KCNIP4: variants seen among roughly 807,000 people sequenced by gnomAD.
KCNIP4 encodes Kv channel-interacting protein 4.
A neutral mutation model predicts 34.0 loss-of-function variants in KCNIP4; 12 were observed. The ratio of observed to expected loss-of-function variants is 0.35; its 90% confidence interval spans 0.23 to 0.57. KCNIP4 has a LOEUF of 0.57. Ranked by LOEUF, KCNIP4 falls within the 20% of genes least tolerant of loss-of-function variation. KCNIP4 has a pLI of 0.83. For synonymous variants in KCNIP4, 124 were observed against 102.2 expected, an observed-to-expected ratio of 1.21 and a Z score of -1.29; for missense variants, 238 against 311.7, an observed-to-expected ratio of 0.76 and a Z score of 1.78.
intron 1 of KCNIP4, among the ~76,000 whole-genome samples, chr4:21,584,847 A>C (rs985634694): frequency 2.6e-5 from 4 of 152,126 alleles, no homozygotes; most frequent in African/African-American, 9.6e-5. Flanking sequence ...AAGGAAGATG[A>C]AGTAACTTCT....
intron 1 of KCNIP4, among the ~76,000 whole-genome samples, chr4:21,892,507 T>C (rs1727154975): frequency 6.9e-6 from 1 of 144,022 alleles, no homozygotes; most frequent in Non-Finnish European, 1.5e-5. Context: ...ATTTTCTGTA[T>C]GTATATTATG....
Position 20,757,458 on chromosome 4 carries a change from C to G in KCNIP4, c.358+1363G>C, listed in dbSNP as rs191247913. Among the ~76,000 whole-genome samples, 4 of 152,268 alleles carry G rather than the reference C, an allele frequency of 2.6e-5. No homozygotes were observed. The East Asian group carries it at 7.8e-4, about 30-fold the overall frequency. ...ACTTATCAGTGGCTTTGCATCACCT[C>G]AAGGATAAAGTCCCATTTCTTCATA... is the stretch of plus-strand genomic sequence containing the variant. On this transcript the variant is annotated intron_variant, in intron 4 of 8. Transcript: ENST00000382152.
At chr4:21,419,834 A>C (rs1046756955) in intron 1 of KCNIP4, among the ~76,000 whole-genome samples, 2 of 152,182 alleles carry the variant, frequency 1.3e-5, no homozygotes, top group Non-Finnish European at 2.9e-5. Flanking sequence ...AATCCTCCAA[A>C]TGAATCCCAG....
intron 1 of KCNIP4, among the ~76,000 whole-genome samples, chr4:21,640,323 T>C (rs1436633237): frequency 1.3e-5 from 2 of 152,174 alleles, no homozygotes; most frequent in Non-Finnish European, 2.9e-5. Flanking sequence ...GTGGTAGCAG[T>C]TCCCACTGTA....
chr4:21,078,116 T>G (rs530108311), intron 1 of KCNIP4, among the ~76,000 whole-genome samples: 1 of 152,152 alleles, frequency 6.6e-6, no homozygotes, highest in South Asian at 2.1e-4. Context: ...CTGAAAGGAA[T>G]TTGAGTAAAA....
At chr4:21,648,165 G>A (rs189280324) in intron 1 of KCNIP4, among the ~76,000 whole-genome samples, 45 of 151,968 alleles carry the variant, frequency 3.0e-4, no homozygotes, top group South Asian at 6.2e-4. Flanking sequence ...GAGCCACCGC[G>A]CCTGGCCTAC....
intron 1 of KCNIP4, among the ~76,000 whole-genome samples, chr4:21,549,408 T>A (rs1311822499): frequency 6.6e-6 from 1 of 151,914 alleles, no homozygotes; most frequent in Non-Finnish European, 1.5e-5. Flanking sequence ...CCCATAGTAA[T>A]GAGTGAATTC....
At chr4:21,324,602 CTCTA>C (rs1038154192) in intron 1 of KCNIP4, among the ~76,000 whole-genome samples, 19 of 150,918 alleles carry the variant, frequency 1.3e-4, no homozygotes, top group African/African-American at 4.4e-4. Flanking sequence ...TGTTCCATTG[CTCTA>C]TCTGTCTGTT....
chr4:21,609,159 G>C (rs1743959117), intron 1 of KCNIP4, among the ~76,000 whole-genome samples: 1 of 152,132 alleles, frequency 6.6e-6, no homozygotes, highest in African/African-American at 2.4e-5. Flanking sequence ...GAACAGGAAT[G>C]GATAGGAGAA....
chr4:20,883,237 G>T (rs993574371), intron 1 of KCNIP4, among the ~76,000 whole-genome samples: 1 of 152,088 alleles, frequency 6.6e-6, no homozygotes, highest in Non-Finnish European at 1.5e-5. Flanking sequence ...GAAAATAAAT[G>T]TCCTTAATAT....
At chr4:21,741,051 A>G (rs1222758228) in intron 1 of KCNIP4, among the ~76,000 whole-genome samples, 1 of 152,158 alleles carries the variant, frequency 6.6e-6, no homozygotes, top group African/African-American at 2.4e-5. Flanking sequence ...AAATAAGCCC[A>G]TGGTGGGCTT....
chr4:21,465,548 T>C (rs1185446769), intron 1 of KCNIP4, among the ~76,000 whole-genome samples: 2 of 152,112 alleles, frequency 1.3e-5, no homozygotes, highest in African/African-American at 4.8e-5. Flanking sequence ...CCCCATTACA[T>C]TGGCTAATTT....
At position 21,860,699 on chromosome 4, in the gene KCNIP4, T is replaced by C. The variant is rs138697612; in HGVS notation, c.61+87872A>G. On this transcript the variant is annotated intron_variant, in intron 1 of 8. Coordinates refer to ENST00000382152, the MANE Select transcript of KCNIP4 (RefSeq NM_025221.6). ...AAAATCAGATATAACATTTTGTTTTTAAAGGACATTTAGAGCCCAGATCTC... is the reference window on the plus strand; with the variant it reads ...AAAATCAGATATAACATTTTGTTTTCAAAGGACATTTAGAGCCCAGATCTC... 4.2e-3 allele frequency among the ~76,000 whole-genome samples: 635 copies of C among 152,138 alleles called. 4 individuals are homozygous for C. Among genetic ancestry groups the C allele is most frequent in the African/African-American group, 0.014 (592 of 41,548 alleles).
chr4:21,208,553 C>T (rs1028118498), intron 1 of KCNIP4, among the ~76,000 whole-genome samples: 2 of 152,146 alleles, frequency 1.3e-5, no homozygotes, highest in Admixed American at 6.6e-5. Flanking sequence ...TTTACTCAGC[C>T]CCTGGCCTTC....
intron 1 of KCNIP4, among the ~76,000 whole-genome samples, chr4:21,913,246 A>C (rs752359967): frequency 6.6e-6 from 1 of 152,136 alleles, no homozygotes; most frequent in Non-Finnish European, 1.5e-5. Flanking sequence ...AGGCTGAGGC[A>C]AGAGGATTTC....
intron 3 of KCNIP4, among the ~76,000 whole-genome samples, chr4:20,845,071 C>T (rs1720199918): frequency 6.6e-6 from 1 of 152,124 alleles, no homozygotes; most frequent in African/African-American, 2.4e-5. Flanking sequence ...GTGATGGATA[C>T]AACCTATGTG....
chr4:21,906,287 T>C (rs1200155332), intron 1 of KCNIP4, among the ~76,000 whole-genome samples: 1 of 152,192 alleles, frequency 6.6e-6, no homozygotes, highest in Non-Finnish European at 1.5e-5. Flanking sequence ...GAGATCATTC[T>C]GGTGTATCTG....
intron 1 of KCNIP4, among the ~76,000 whole-genome samples, chr4:20,925,530 G>T (rs753299443): frequency 6.6e-6 from 1 of 152,154 alleles, no homozygotes; most frequent in East Asian, 1.9e-4. Context: ...ATATAATCAA[G>T]AAATAACCAT....
chr4:21,833,390 T>A (rs1723115569), intron 1 of KCNIP4, among the ~76,000 whole-genome samples: 1 of 152,218 alleles, frequency 6.6e-6, no homozygotes, highest in South Asian at 2.1e-4. Flanking sequence ...AAATGTCTTC[T>A]TTTGAGAAGT....
Sources: gnomAD v4.1 joint callset for allele counts (sites outside exome capture counted in the v4.1 genomes callset) on GRCh38, gnomAD v4.1.1 for gene constraint, MANE v1.5 for transcripts, NCBI Gene and HGNC (gene_info 2026-07-23, HGNC 2026-07-21) for gene names.